ASAP1: variants seen among roughly 807,000 people sequenced by gnomAD.
The protein encoded by ASAP1 is arf-GAP with SH3 domain, ANK repeat and PH domain-containing protein 1.
ASAP1 carries 43 observed loss-of-function variants against 145.2 expected under a neutral mutation model. The observed-to-expected ratio is 0.30, with a 90% CI of 0.23 to 0.38. The LOEUF (loss-of-function observed/expected upper bound fraction) is 0.38, where lower values mean the gene tolerates loss of function less well. ASAP1 is among the 10% of genes least tolerant of loss of function. The pLI is 1.00. For missense variants in ASAP1, 1,018 were observed against 1,355.3 expected (o/e 0.75, Z 3.91); for synonymous variants, 546 against 515.5 (o/e 1.06, Z -0.80).
At chr8:130,354,482 ACT>A (rs900247948) in intron 3 of ASAP1, among the ~76,000 whole-genome samples, 1 of 151,962 alleles carries the variant, frequency 6.6e-6, no homozygotes. Context: ...ATCATGTTGG[ACT>A]CTCTCTCTGA....
chr8:130,069,358 C>T (rs2097437136), intron 27 of ASAP1, among the ~76,000 whole-genome samples: 1 of 152,168 alleles, frequency 6.6e-6, no homozygotes, highest in African/African-American at 2.4e-5. Context: ...ACTTCGGCCT[C>T]CTGAGTAGCT....
chr8:130,234,866 AT>A (rs1447082851), intron 4 of ASAP1, among the ~76,000 whole-genome samples: 1 of 152,172 alleles, frequency 6.6e-6, no homozygotes, highest in African/African-American at 2.4e-5. Context: ...TCTTTATAAA[AT>A]CAGGCTGGTC....
At chr8:130,345,992 A>G (rs1381564256) in intron 3 of ASAP1, among the ~76,000 whole-genome samples, 2 of 152,222 alleles carry the variant, frequency 1.3e-5, no homozygotes, top group African/African-American at 4.8e-5. Context: ...CAACTGCTCT[A>G]TGCAATTGGT....
chr8:130,182,635 C>A (rs1467727781), intron 7 of ASAP1, among the ~76,000 whole-genome samples: 1 of 151,936 alleles, frequency 6.6e-6, no homozygotes, highest in Non-Finnish European at 1.5e-5. Context: ...GGGTACCTTG[C>A]TCTGAAATAT....
At chr8:130,439,057 G>C (rs1281934463) in intron 1 of ASAP1, among the ~76,000 whole-genome samples, 2 of 152,220 alleles carry the variant, frequency 1.3e-5, no homozygotes, top group African/African-American at 2.4e-5. Flanking sequence ...GAGTAGCCTA[G>C]ATTATACAGG....
intron 3 of ASAP1, among the ~76,000 whole-genome samples, chr8:130,268,979 A>T (rs920760593): frequency 5.3e-5 from 8 of 152,206 alleles, no homozygotes; most frequent in Admixed American, 4.6e-4. Flanking sequence ...GAGAAGGAAC[A>T]GTCAAAGGCA....
At chr8:130,325,768 ACTT>A (rs1284576039) in intron 3 of ASAP1, among the ~76,000 whole-genome samples, 1 of 152,194 alleles carries the variant, frequency 6.6e-6, no homozygotes, top group African/African-American at 2.4e-5. Flanking sequence ...TGTCTCTCCT[ACTT>A]CTTATAAACT....
intron 2 of ASAP1, among the ~76,000 whole-genome samples, chr8:130,369,381 G>A (rs182562613): frequency 1.3e-5 from 2 of 152,138 alleles, no homozygotes; most frequent in Admixed American, 1.3e-4. Context: ...ATATCAGAAA[G>A]CAAAAGTGTC....
At chr8:130,284,162 C>A (rs6982030) in intron 3 of ASAP1, among the ~76,000 whole-genome samples, 1 of 152,012 alleles carries the variant, frequency 6.6e-6, no homozygotes, top group Non-Finnish European at 1.5e-5. Flanking sequence ...ATGTGTAGGG[C>A]GTCTTGAAAA....
At chr8:130,368,639 A>C (rs1827073923) in intron 2 of ASAP1, among the ~76,000 whole-genome samples, 1 of 152,234 alleles carries the variant, frequency 6.6e-6, no homozygotes, top group Admixed American at 6.5e-5. Flanking sequence ...TGGAGGACTG[A>C]TATAGATGCT....
At chr8:130,436,342 T>C (rs1313833004) in intron 1 of ASAP1, among the ~76,000 whole-genome samples, 1 of 152,216 alleles carries the variant, frequency 6.6e-6, no homozygotes, top group African/African-American at 2.4e-5. Flanking sequence ...CCACCCAGGC[T>C]GGAGTGCAGT....
intron 2 of ASAP1, among the ~76,000 whole-genome samples, chr8:130,377,570 C>T (rs1827563558): frequency 6.6e-6 from 1 of 152,218 alleles, no homozygotes; most frequent in African/African-American, 2.4e-5. Context: ...CTCAAGGAGC[C>T]TATGGTCAAT....
In ASAP1 at chr8:130,399,367, G is replaced by A. The variant is rs779754736; in HGVS notation, c.59+2518C>T. On this transcript the variant is annotated intron_variant, in intron 2 of 29. Coordinates refer to ENST00000518721, the MANE Select transcript of ASAP1 (RefSeq NM_018482.4). ...CAAAACCTAATTCTAATAATGCACT[G>A]AGTTATTGCAATTATAATTAATATC... Among the ~76,000 whole-genome samples the A allele has an allele frequency of 4.6e-4, 70 of 152,076 alleles. 1 individual carries two copies. The highest frequency in any genetic ancestry group is 8.5e-4 in the Non-Finnish European group (58 of 68,020).
intron 28 of ASAP1, among the ~76,000 whole-genome samples, chr8:130,059,249 G>A (rs1004582639): frequency 1.3e-5 from 2 of 151,150 alleles, no homozygotes; most frequent in African/African-American, 2.4e-5. Flanking sequence ...CTGCAGCCTC[G>A]ATCTCCAGGG....
chr8:130,335,635 G>A (rs1000558038), intron 3 of ASAP1, among the ~76,000 whole-genome samples: 2 of 152,222 alleles, frequency 1.3e-5, no homozygotes, highest in Admixed American at 6.5e-5. Context: ...AGAGTTGGGA[G>A]GCAGATTCTG....
chr8:130,266,719 C>T (rs796144305), intron 3 of ASAP1, among the ~76,000 whole-genome samples: 2 of 151,890 alleles, frequency 1.3e-5, no homozygotes, highest in African/African-American at 4.8e-5. Flanking sequence ...GAATACATGA[C>T]ACAATTTGTA....
intron 3 of ASAP1, among the ~76,000 whole-genome samples, chr8:130,296,040 T>C (rs1356151062): frequency 2.0e-5 from 3 of 152,206 alleles, no homozygotes; most frequent in Admixed American, 6.5e-5. Context: ...TGCTCACCTC[T>C]GAAACCCCAG....
At chr8:130,382,119 T>C (rs1433080629) in intron 2 of ASAP1, among the ~76,000 whole-genome samples, 1 of 151,820 alleles carries the variant, frequency 6.6e-6, no homozygotes, top group African/African-American at 2.4e-5. Flanking sequence ...ACCCCGTCTC[T>C]ACTAAAAATA....
intron 1 of ASAP1, among the ~76,000 whole-genome samples, chr8:130,431,557 C>T (rs1227504862): frequency 6.6e-6 from 1 of 152,142 alleles, no homozygotes; most frequent in South Asian, 2.1e-4. Flanking sequence ...GGTTCCTATT[C>T]GTTATTTAAG....
Sources: gnomAD v4.1 joint callset for allele counts (sites outside exome capture counted in the v4.1 genomes callset) on GRCh38, gnomAD v4.1.1 for gene constraint, MANE v1.5 for transcripts, NCBI Gene and HGNC (gene_info 2026-07-23, HGNC 2026-07-21) for gene names.